FER1L6: variants seen among roughly 807,000 people sequenced by gnomAD.
FER1L6 encodes fer-1-like protein 6.
FER1L6 carries 177 observed loss-of-function variants against 219.2 expected under a neutral mutation model. That is an observed-to-expected ratio of 0.81 (90% CI 0.71 to 0.91). The LOEUF is 0.91. Ranked by LOEUF, FER1L6 falls within the 40% of genes least tolerant of loss-of-function variation. The pLI is 0.00. For synonymous variants in FER1L6, 768 were observed against 824.3 expected (o/e 0.93, Z 1.17); for missense variants, 2,153 against 2,259.9 (o/e 0.95, Z 0.96).
In FER1L6 at chr8:123,980,807, C is replaced by CG; in HGVS notation, c.1408dup (p.Glu470GlyfsTer8). The CG allele has an allele frequency of 1.2e-6, 2 of 1,612,042 alleles. No individual in the cohort carries two copies. Among genetic ancestry groups the CG allele is most frequent in the Admixed American group, 1.7e-5 (1 of 59,890 alleles). ...GAGGTGGAATCGTTCGATGTCCCCCCGGAGGTAGGTCTAGGCACTGCATTA... is the reference window on the plus strand; with the variant it reads ...GAGGTGGAATCGTTCGATGTCCCCCCGGGAGGTAGGTCTAGGCACTGCATTA... On this transcript the variant is annotated frameshift_variant, in exon 11 of 41. Transcript: ENST00000522917. LOFTEE classifies it high-confidence loss of function.
chr8:124,060,461 C>A, intron 23 of FER1L6, 87 bp from the exon 24 acceptor site: 1 of 1,543,140 alleles, frequency 6.5e-7, no homozygotes, highest in Non-Finnish European at 8.9e-7. Context: ...TCTCAGGGAG[C>A]AGGTCTAACT....
intron 13 of FER1L6, 90 bp from the exon 14 acceptor site, chr8:124,010,504 G>T (rs1817872731): frequency 1.3e-6 from 2 of 1,508,496 alleles, no homozygotes; most frequent in Non-Finnish European, 1.8e-6. Context: ...CCCGAGTCCT[G>T]CCCAGAACGT....
chr8:124,110,713 A>G (rs1822986458), intron 39 of FER1L6, among the ~76,000 whole-genome samples: 1 of 152,134 alleles, frequency 6.6e-6, no homozygotes, highest in South Asian at 2.1e-4. Flanking sequence ...AGTTCTCAGG[A>G]GGAATTCACA....
At chr8:123,992,758 GT>G (rs1172888200) in intron 12 of FER1L6, among the ~76,000 whole-genome samples, 2 of 151,784 alleles carry the variant, frequency 1.3e-5, no homozygotes, top group East Asian at 3.9e-4. Flanking sequence ...TTTGAGTTTT[GT>G]TTTTTTCCTA....
At chr8:123,885,784 T>C (rs1817190640) in intron 1 of FER1L6, among the ~76,000 whole-genome samples, 1 of 152,136 alleles carries the variant, frequency 6.6e-6, no homozygotes, top group Non-Finnish European at 1.5e-5. Context: ...CAGTGGCCCA[T>C]GTTCATTCTT....
intron 19 of FER1L6, 72 bp from the exon 20 acceptor site, chr8:124,039,810 C>A: frequency 6.3e-7 from 1 of 1,591,566 alleles, no homozygotes; most frequent in South Asian, 1.1e-5. Flanking sequence ...ACATCACACA[C>A]AGACACACAT....
chr8:123,966,860 T>A (rs1323419412), intron 5 of FER1L6, among the ~76,000 whole-genome samples: 3 of 152,116 alleles, frequency 2.0e-5, no homozygotes, highest in Non-Finnish European at 2.9e-5. Flanking sequence ...GGCGTGCGGA[T>A]CACGAGCTCA....
chr8:123,980,499 C>T lies in FER1L6; in HGVS notation c.1098C>T (p.Asn366=), dbSNP rs770429908. Residue 366 remains asparagine, a synonymous_variant, in exon 11 of 41, where the codon AAC becomes AAT. Coordinates refer to ENST00000522917, the MANE Select transcript of FER1L6 (RefSeq NM_001039112.2). ...FLPTFGPAWI[N]LYGSPRNHSL... ...CCACCTTTGGGCCTGCCTGGATTAA[C>T]CTGTATGGCTCGCCCAGGAACCACA... is the stretch of plus-strand genomic sequence containing the variant. The T allele has an allele frequency of 4.3e-6, 7 of 1,614,054 alleles. No homozygotes were observed. Among genetic ancestry groups the T allele is most frequent in the African/African-American group, 4.0e-5 (3 of 75,040 alleles).
At chr8:124,010,268 C>A (rs1817861922) in intron 13 of FER1L6, among the ~76,000 whole-genome samples, 1 of 152,068 alleles carries the variant, frequency 6.6e-6, no homozygotes, top group Admixed American at 6.5e-5. Flanking sequence ...AAATTAATTA[C>A]TTAATTAAAT....
chr8:123,908,865 G>A (rs773334399), intron 1 of FER1L6, among the ~76,000 whole-genome samples: 5 of 152,138 alleles, frequency 3.3e-5, no homozygotes, highest in South Asian at 2.1e-4. Context: ...AATATATGAC[G>A]AAACACATTT....
chr8:124,078,340 C>T (rs1821382335), intron 32 of FER1L6, among the ~76,000 whole-genome samples: 1 of 152,098 alleles, frequency 6.6e-6, no homozygotes, highest in African/African-American at 2.4e-5. Context: ...TTATAGTTTC[C>T]CAGAATGTTT....
At chr8:123,968,547 AT>A (rs1815660501) in intron 5 of FER1L6, among the ~76,000 whole-genome samples, 1 of 152,366 alleles carries the variant, frequency 6.6e-6, no homozygotes, top group East Asian at 1.9e-4. Context: ...TCATTTGTCC[AT>A]CCAAAGGAAG....
At chr8:123,995,133 A>G (rs1817067448) in intron 12 of FER1L6, among the ~76,000 whole-genome samples, 1 of 152,180 alleles carries the variant, frequency 6.6e-6, no homozygotes, top group South Asian at 2.1e-4. Context: ...TTTCCTGTTA[A>G]GTTCCTGCAT....
chr8:123,985,476 T>C (rs1278006502), intron 11 of FER1L6: 1 of 152,536 alleles, frequency 6.6e-6, no homozygotes, highest in Non-Finnish European at 1.5e-5. Flanking sequence ...GGTGAATACA[T>C]GTTCAAGTTC....
chr8:123,918,371 C>CA (rs1003140066), intron 1 of FER1L6, among the ~76,000 whole-genome samples: 55 of 151,408 alleles, frequency 3.6e-4, no homozygotes, highest in African/African-American at 1.3e-3. Context: ...ATTGTGTGTA[C>CA]AAAATTTATT....
At chr8:124,067,587 CT>C (rs1820880470) in intron 27 of FER1L6, among the ~76,000 whole-genome samples, 179 bp from the exon 28 acceptor site, 1 of 152,152 alleles carries the variant, frequency 6.6e-6, no homozygotes, top group South Asian at 2.1e-4. Context: ...ATAGGGCATC[CT>C]ATTGGGCTTA....
At chr8:124,077,196 A>T (rs1292846372) in intron 32 of FER1L6, among the ~76,000 whole-genome samples, 1 of 152,128 alleles carries the variant, frequency 6.6e-6, no homozygotes, top group African/African-American at 2.4e-5. Flanking sequence ...GTGACACCTG[A>T]CTCTCATATT....
chr8:124,068,556 G>A (rs1030459703), intron 28 of FER1L6, among the ~76,000 whole-genome samples: 11 of 152,176 alleles, frequency 7.2e-5, no homozygotes, highest in Non-Finnish European at 1.2e-4. Flanking sequence ...ACAACTTTGC[G>A]CAAGACCCTT....
chr8:124,018,745 T>C (rs1818314341), intron 16 of FER1L6, among the ~76,000 whole-genome samples: 1 of 152,204 alleles, frequency 6.6e-6, no homozygotes, highest in African/African-American at 2.4e-5. Context: ...CATGCTTATC[T>C]CACATCACTC....
Sources: allele counts gnomAD v4.1 joint callset (sites outside exome capture counted in the v4.1 genomes callset), GRCh38; gene constraint gnomAD v4.1.1; transcripts MANE v1.5; gene names NCBI Gene and HGNC (gene_info 2026-07-23, HGNC 2026-07-21).